Variants in PPARGC1A observed in about 807,000 individuals in gnomAD.
PPARGC1A encodes the protein peroxisome proliferator-activated receptor gamma coactivator 1-alpha.
Under a neutral mutation model 88.7 loss-of-function variants are expected in PPARGC1A, and 25 were observed. The ratio of observed to expected loss-of-function variants is 0.28; its 90% CI spans 0.21 to 0.39. The LOEUF is 0.39. PPARGC1A is among the 10% of genes least tolerant of loss of function. PPARGC1A has a pLI of 1.00. For missense variants in PPARGC1A, 880 were observed against 968.7 expected (o/e 0.91, Z 1.22); for synonymous variants, 363 against 355.6 (o/e 1.02, Z -0.24).
chr4:24,136,910 T>C, the PPARGC1A span, among the ~76,000 whole-genome samples: 1 of 151,986 alleles, frequency 6.6e-6, no homozygotes, highest in Non-Finnish European at 1.5e-5. Context: ...GGTCAGGAGT[T>C]TGAAACCAGC....
chr4:24,445,862 G>A, the PPARGC1A span, among the ~76,000 whole-genome samples: 1 of 152,116 alleles, frequency 6.6e-6, no homozygotes, highest in African/African-American at 2.4e-5. Context: ...GAGGCCAGGA[G>A]TTCGGGACCA....
upstream of PPARGC1A, among the ~76,000 whole-genome samples, chr4:23,893,931 G>A (rs2970865): frequency 0.78 from 118,720 of 151,990 alleles, 47,477 homozygotes; most frequent in African/African-American, 0.93. Context: ...CCACATCTCA[G>A]TCAATTTAGT....
the PPARGC1A span, among the ~76,000 whole-genome samples, chr4:24,114,123 C>CAA: frequency 0.024 from 1,422 of 58,564 alleles, 28 homozygotes; most frequent in East Asian, 0.06. Context: ...GACTCCATCA[C>CAA]AAAAAAAAAA....
chr4:23,931,647 C>A, the PPARGC1A span, among the ~76,000 whole-genome samples: 1 of 152,136 alleles, frequency 6.6e-6, no homozygotes, highest in Non-Finnish European at 1.5e-5. Context: ...TGGCAGTGTG[C>A]CTCTGGCATA....
At chr4:24,331,939 C>T in the PPARGC1A span, among the ~76,000 whole-genome samples, 1 of 151,970 alleles carries the variant, frequency 6.6e-6, no homozygotes, top group Non-Finnish European at 1.5e-5. Context: ...CCCCTTGCCC[C>T]CAACCCCTTG....
the PPARGC1A span, among the ~76,000 whole-genome samples, chr4:24,317,585 A>AAAAAAAAAAAAAC: frequency 1.5e-5 from 2 of 137,202 alleles, no homozygotes; most frequent in Non-Finnish European, 3.2e-5. Flanking sequence ...AAAAAAAAAA[A>AAAAAAAAAAAAAC]AAAAAAAAAA....
At chr4:24,161,310 G>C in the PPARGC1A span, among the ~76,000 whole-genome samples, 1 of 152,148 alleles carries the variant, frequency 6.6e-6, no homozygotes, top group Non-Finnish European at 1.5e-5. Flanking sequence ...AGGAATTCTA[G>C]TCTGACCCTA....
At chr4:24,404,143 A>G in the PPARGC1A span, among the ~76,000 whole-genome samples, 2 of 152,056 alleles carry the variant, frequency 1.3e-5, no homozygotes. Flanking sequence ...CACACCTGTA[A>G]TCCCAGCTAC....
intron 7 of PPARGC1A, among the ~76,000 whole-genome samples, chr4:23,819,800 G>T (rs868413944): frequency 2.0e-5 from 3 of 152,074 alleles, no homozygotes; most frequent in Middle Eastern, 3.4e-3. Flanking sequence ...AATTTGTTGG[G>T]TCTTCCTTTC....
chr4:24,127,447 G>A, the PPARGC1A span, among the ~76,000 whole-genome samples: 3 of 151,934 alleles, frequency 2.0e-5, no homozygotes, highest in Non-Finnish European at 4.4e-5. Flanking sequence ...TATCTGGTGG[G>A]GGTGAGGATG....
the PPARGC1A span, among the ~76,000 whole-genome samples, chr4:24,035,156 T>A: frequency 6.6e-6 from 1 of 152,304 alleles, no homozygotes. Context: ...AACAGGGCAG[T>A]CCATAGGCAT....
the PPARGC1A span, among the ~76,000 whole-genome samples, chr4:24,470,098 G>A: frequency 6.6e-5 from 10 of 152,102 alleles, no homozygotes; most frequent in Non-Finnish European, 1.5e-4. This position sits in a 1 kb window ranked among gnomAD's most constrained non-coding sequence, Gnocchi z 5.8. Context: ...GTGCAGGTCG[G>A]AGGCACGCGC....
the PPARGC1A span, among the ~76,000 whole-genome samples, chr4:23,989,500 G>C: frequency 1.3e-5 from 2 of 151,860 alleles, no homozygotes; most frequent in African/African-American, 4.8e-5. Context: ...AAGAGGGGCA[G>C]GTAACAAAAG....
At chr4:24,428,857 T>C in the PPARGC1A span, among the ~76,000 whole-genome samples, 1 of 152,216 alleles carries the variant, frequency 6.6e-6, no homozygotes, top group South Asian at 2.1e-4. Flanking sequence ...ACAAATGTCT[T>C]ATTTTAAAAG....
the PPARGC1A span, among the ~76,000 whole-genome samples, chr4:23,957,802 A>G: frequency 2.0e-5 from 3 of 152,148 alleles, no homozygotes; most frequent in Non-Finnish European, 4.4e-5. Flanking sequence ...ATAGTTATTT[A>G]TAGGTGATAT....
the PPARGC1A span, among the ~76,000 whole-genome samples, chr4:24,459,247 G>T: frequency 6.6e-6 from 1 of 152,014 alleles, no homozygotes; most frequent in Non-Finnish European, 1.5e-5. Flanking sequence ...AGGTCTTTTG[G>T]GGAGGGTCTT....
chr4:24,071,764 A>C, the PPARGC1A span, among the ~76,000 whole-genome samples: 5 of 152,118 alleles, frequency 3.3e-5, no homozygotes, highest in Admixed American at 3.3e-4. Flanking sequence ...TACCCCACAG[A>C]GTGTCAAAAA....
the PPARGC1A span, among the ~76,000 whole-genome samples, chr4:24,136,048 C>T: frequency 6.6e-6 from 1 of 152,140 alleles, no homozygotes; most frequent in Non-Finnish European, 1.5e-5. Context: ...GGCACGGTTC[C>T]CTTGGGGAGG....
chr4:24,307,401 C>T, the PPARGC1A span, among the ~76,000 whole-genome samples: 1 of 152,150 alleles, frequency 6.6e-6, no homozygotes, highest in African/African-American at 2.4e-5. Flanking sequence ...ATGTATATTA[C>T]TATTATAAAG....
Sources: allele counts gnomAD v4.1 joint callset (sites outside exome capture counted in the v4.1 genomes callset), GRCh38; gene constraint gnomAD v4.1.1; non-coding constraint Gnocchi (gnomAD v3.1); transcripts MANE v1.5; gene names NCBI Gene and HGNC (gene_info 2026-07-23, HGNC 2026-07-21).